Variants in FARP1 observed in about 807,000 individuals in gnomAD.
The protein encoded by FARP1 is FERM, ARHGEF and pleckstrin domain-containing protein 1.
Under a neutral mutation model 128.8 loss-of-function variants are expected in FARP1, and 52 were observed. The ratio of observed to expected loss-of-function variants is 0.40; its 90% confidence interval spans 0.32 to 0.51. FARP1 has a LOEUF of 0.51. Ranked by LOEUF, FARP1 falls within the 20% of genes least tolerant of loss-of-function variation. The probability of loss-of-function intolerance (pLI) is 0.45; values close to 1 mark genes in which losing one functional copy is unlikely to be tolerated. For missense variants in FARP1, 1,333 were observed against 1,367.9 expected (o/e 0.97, Z 0.40); for synonymous variants, 580 against 551.8 (o/e 1.05, Z -0.72).
intron 16 of FARP1, among the ~76,000 whole-genome samples, chr13:98,421,783 T>C (rs969466027): frequency 6.6e-6 from 1 of 151,812 alleles, no homozygotes; most frequent in Admixed American, 6.6e-5. Context: ...AGACCAGGAG[T>C]TGGAGGCTGC....
intron 2 of FARP1, among the ~76,000 whole-genome samples, chr13:98,282,946 T>G (rs1309657240): frequency 1.3e-5 from 2 of 152,214 alleles, no homozygotes; most frequent in East Asian, 3.8e-4. Flanking sequence ...AATTCTCTCC[T>G]GTCAAATGCT....
chr13:98,277,468 A>C (rs896319301), intron 2 of FARP1, among the ~76,000 whole-genome samples: 1 of 152,156 alleles, frequency 6.6e-6, no homozygotes, highest in Non-Finnish European at 1.5e-5. Flanking sequence ...TTAGAAAGAA[A>C]TATATTAATT....
At chr13:98,377,266 C>G (rs1297972113) in intron 5 of FARP1, among the ~76,000 whole-genome samples, 4 of 149,970 alleles carry the variant, frequency 2.7e-5, no homozygotes, top group Non-Finnish European at 4.4e-5. Flanking sequence ...CACGCCACTG[C>G]ACTCCAGCCT....
At position 98,377,868 on chromosome 13, in the gene FARP1, T is replaced by G; in HGVS notation, c.446T>G (p.Leu149Trp). The change falls in exon 6 of 27, where the codon TTG (leucine) becomes TGG (tryptophan). Residue 149 changes from leucine (L) to tryptophan (W), a missense_variant. Coordinates refer to ENST00000319562, the MANE Select transcript of FARP1 (RefSeq NM_005766.4). ...QVKQDLAQGR[L>W]TCNDTSAALL... Reference sequence around the variant, plus strand: ...AAGCAGGACTTGGCTCAAGGCAGGTTGACGTGTAATGACACCAGCGCAGCT... The same window carrying G: ...AAGCAGGACTTGGCTCAAGGCAGGTGGACGTGTAATGACACCAGCGCAGCT... 4 of 1,614,046 alleles carry G rather than the reference T, an allele frequency of 2.5e-6. No homozygotes were observed. The highest frequency in any genetic ancestry group is 3.4e-6 in the Non-Finnish European group (4 of 1,179,898).
In FARP1 at chr13:98,226,076, T is replaced by C. The variant is rs187365752; in HGVS notation, c.171+12663T>C. ...GTTGAATTATGGAGTACGAGTTCGC[T>C]AGCACTGCTATAACAAAGTACCACA... On this transcript the variant is annotated intron_variant, in intron 2 of 26. Transcript: ENST00000319562. Among the ~76,000 whole-genome samples the C allele has an allele frequency of 2.0e-5, 3 of 152,330 alleles. No individual in the cohort carries two copies. In the East Asian group the frequency reaches 5.8e-4, roughly 29 times the overall value.
At chr13:98,149,849 T>C (rs1875857417) in intron 1 of FARP1, among the ~76,000 whole-genome samples, 1 of 144,718 alleles carries the variant, frequency 6.9e-6, no homozygotes, top group Admixed American at 7.3e-5. Context: ...ACCATTCTCC[T>C]GCCTCAGCCT....
At chr13:98,337,527 G>A (rs1334580447) in intron 2 of FARP1, among the ~76,000 whole-genome samples, 2 of 148,030 alleles carry the variant, frequency 1.4e-5, no homozygotes, top group Non-Finnish European at 3.0e-5. Context: ...GTGTATAGTA[G>A]TCTGTGTAGC....
chr13:98,308,998 A>T (rs1291002804), intron 2 of FARP1, among the ~76,000 whole-genome samples: 2 of 151,964 alleles, frequency 1.3e-5, no homozygotes, highest in Admixed American at 1.3e-4. Context: ...ATAATTTTAT[A>T]TTATAAAATA....
intron 17 of FARP1, among the ~76,000 whole-genome samples, chr13:98,428,899 G>A (rs1891891852): frequency 6.6e-6 from 1 of 152,354 alleles, no homozygotes; most frequent in Non-Finnish European, 1.5e-5. Context: ...GCATCGCACA[G>A]AGCGACACAC....
rs1031559782 is a variant in FARP1 at position 98,213,270 on chromosome 13, C to T, written c.28C>T (p.Pro10Ser). 6.2e-7 allele frequency: 1 copy of T among 1,613,782 alleles called. No individual in the cohort carries two copies. The highest frequency in any genetic ancestry group is 1.3e-5 in the African/African-American group (1 of 74,906). The change falls in exon 2 of 27, where the codon CCA becomes TCA. Residue 10 changes from proline (P) to serine (S), a missense_variant. Physicochemically the swap from Pro to Ser is moderately conservative, Grantham distance 74. Around this residue, in one of 2 missense-constraint regions of FARP1, gnomAD observed 324 missense variants for 398.1 expected, o/e 0.81. Coordinates refer to ENST00000319562, the MANE Select transcript of FARP1 (RefSeq NM_005766.4). ...GGGAGAAATAGAGCAGAGGCCGACCCCAGGATCACGACTGGGGGCCCCGGA... is the reference window on the plus strand; with the variant it reads ...GGGAGAAATAGAGCAGAGGCCGACCTCAGGATCACGACTGGGGGCCCCGGA... The part of the protein sequence containing the change: MGEIEQRPT[P>S]GSRLGAPENS...
intron 2 of FARP1, among the ~76,000 whole-genome samples, chr13:98,226,801 T>G (rs1881803520): frequency 1.3e-5 from 2 of 151,864 alleles, no homozygotes; most frequent in African/African-American, 2.4e-5. Context: ...GAGCGATTGG[T>G]TTTTTTTGTT....
intron 2 of FARP1, among the ~76,000 whole-genome samples, chr13:98,337,377 AT>A (rs758804437): frequency 6.6e-6 from 1 of 152,170 alleles, no homozygotes; most frequent in Non-Finnish European, 1.5e-5. Context: ...CTCCAAAAAA[AT>A]GTTTAAATAA....
chr13:98,388,813 G>T (rs1453461618), intron 9 of FARP1, among the ~76,000 whole-genome samples: 1 of 152,178 alleles, frequency 6.6e-6, no homozygotes, highest in Non-Finnish European at 1.5e-5. Flanking sequence ...GGCTACACCT[G>T]GAGACCCCAT....
chr13:98,192,018 A>G (rs1043110654), intron 1 of FARP1, among the ~76,000 whole-genome samples: 4 of 152,168 alleles, frequency 2.6e-5, no homozygotes, highest in African/African-American at 9.7e-5. Flanking sequence ...CCAGCAAGTC[A>G]AATTCTTTGC....
intron 2 of FARP1, among the ~76,000 whole-genome samples, chr13:98,331,454 G>C (rs575763123): frequency 5.3e-5 from 8 of 152,060 alleles, no homozygotes; most frequent in South Asian, 4.2e-4. Context: ...TTCCCCAGCT[G>C]CTCATCAGAA....
chr13:98,190,442 C>G (rs1458973979), intron 1 of FARP1, among the ~76,000 whole-genome samples: 3 of 152,204 alleles, frequency 2.0e-5, no homozygotes, highest in Admixed American at 2.0e-4. Context: ...ATTTTGTGCT[C>G]TCTCTTATCT....
chr13:98,166,333 T>C (rs1429443010), intron 1 of FARP1, among the ~76,000 whole-genome samples: 3 of 152,352 alleles, frequency 2.0e-5, no homozygotes, highest in Admixed American at 6.5e-5. Context: ...GTTTTTAATA[T>C]ACATAGATAT....
At chr13:98,442,335 T>A (rs1892558779) in intron 24 of FARP1, among the ~76,000 whole-genome samples, 1 of 152,210 alleles carries the variant, frequency 6.6e-6, no homozygotes, top group Non-Finnish European at 1.5e-5. Context: ...GAATTTATTC[T>A]CGGGAAACGA....
intron 12 of FARP1, 102 bp downstream of exon 12, chr13:98,393,820 T>G: frequency 1.2e-6 from 1 of 862,412 alleles, no homozygotes; most frequent in Non-Finnish European, 1.9e-6. Flanking sequence ...GTCCTTTCCT[T>G]TGGGGTTTTT....
Sources: allele counts gnomAD v4.1 joint callset (sites outside exome capture counted in the v4.1 genomes callset), GRCh38; gene constraint gnomAD v4.1.1; regional missense constraint gnomAD v4.1.1; transcripts MANE v1.5; gene names NCBI Gene and HGNC (gene_info 2026-07-23, HGNC 2026-07-21).